HAUS6: variants seen among roughly 807,000 people sequenced by gnomAD.
The protein encoded by HAUS6 is HAUS augmin-like complex subunit 6.
A neutral mutation model predicts 106.8 loss-of-function variants in HAUS6; 80 were observed. That is an observed-to-expected ratio of 0.75 (90% confidence interval 0.63 to 0.90). The LOEUF (loss-of-function observed/expected upper bound fraction) is 0.90, where lower values mean the gene tolerates loss of function less well. Among genes scored for constraint, HAUS6 ranks in the 40% least tolerant of loss-of-function variants. HAUS6 has a pLI of 0.00. For missense variants in HAUS6, 1,155 were observed against 1,118.1 expected (o/e 1.03, Z -0.47); for synonymous variants, 356 against 379.1 (o/e 0.94, Z 0.71).
chr9:19,077,410 C>G (rs1431673117), intron 10 of HAUS6, among the ~76,000 whole-genome samples: 1 of 152,128 alleles, frequency 6.6e-6, no homozygotes. Context: ...TGGCGGGCAC[C>G]TTTAGTCCCG....
intron 1 of HAUS6, among the ~76,000 whole-genome samples, chr9:19,098,424 A>T (rs905686180): frequency 3.5e-5 from 5 of 143,920 alleles, no homozygotes; most frequent in African/African-American, 1.3e-4. Context: ...GCAAAAGAGC[A>T]AGACTTCGTC....
chr9:19,063,233 C>G, intron 13 of HAUS6, 40 bp from the exon 14 acceptor site: 1 of 1,308,334 alleles, frequency 7.6e-7, no homozygotes, highest in Non-Finnish European at 1.1e-6. Flanking sequence ...CCTTAATAAT[C>G]ATGGCTGATC....
intron 7 of HAUS6, among the ~76,000 whole-genome samples, chr9:19,086,141 A>C (rs2131140833): frequency 6.6e-6 from 1 of 151,458 alleles, no homozygotes; most frequent in East Asian, 1.9e-4. Flanking sequence ...GCGAAACCCT[A>C]TCTCTACAAA....
intron 3 of HAUS6, 75 bp downstream of exon 3, chr9:19,094,242 C>A (rs995252735): frequency 2.5e-6 from 2 of 807,808 alleles, no homozygotes; most frequent in Non-Finnish European, 4.1e-6. Context: ...AAGGATTTCA[C>A]CTCTAAAAAG....
chr9:19,084,386 A>G (rs1204408428), intron 7 of HAUS6, among the ~76,000 whole-genome samples: 4 of 152,202 alleles, frequency 2.6e-5, no homozygotes, highest in South Asian at 4.1e-4. Context: ...AAACAGGTTC[A>G]AGGAGGATTC....
chr9:19,059,189 T>A (rs1791251303), intron 15 of HAUS6, among the ~76,000 whole-genome samples, 188 bp from the exon 16 acceptor site: 1 of 152,196 alleles, frequency 6.6e-6, no homozygotes, highest in Non-Finnish European at 1.5e-5. Context: ...CTCCAACTGC[T>A]CGCACAAATA....
intron 14 of HAUS6, among the ~76,000 whole-genome samples, chr9:19,062,748 G>GTC (rs1298311805): frequency 6.6e-6 from 1 of 152,178 alleles, no homozygotes; most frequent in Non-Finnish European, 1.5e-5. Context: ...TGCAGCCTCA[G>GTC]TCTCCTGGGC....
chr9:19,097,080 T>G (rs1175647661), intron 1 of HAUS6, among the ~76,000 whole-genome samples: 2 of 152,112 alleles, frequency 1.3e-5, no homozygotes, highest in African/African-American at 4.8e-5. Context: ...CAACCTACAT[T>G]TACTGAATAA....
chr9:19,089,611 G>C, intron 4 of HAUS6, 52 bp from the exon 5 acceptor site: 2 of 1,391,416 alleles, frequency 1.4e-6, no homozygotes, highest in Non-Finnish European at 1.0e-6. Flanking sequence ...TGATAGTAGT[G>C]GGTTATCAGA....
At chr9:19,063,354 C>T (rs1395138743) in intron 13 of HAUS6, among the ~76,000 whole-genome samples, 160 bp downstream of exon 13, 1 of 136,384 alleles carries the variant, frequency 7.3e-6, no homozygotes, top group African/African-American at 3.1e-5. Context: ...CCAATATTCC[C>T]ACTTAGCAAT....
In HAUS6 at chr9:19,089,483, G is replaced by A. The variant is rs141791984; in HGVS notation, c.513C>T (p.Phe171=). 37 of 1,610,066 alleles carry A rather than the reference G, an allele frequency of 2.3e-5. No individual in the cohort carries two copies. The African/African-American group carries it at 2.5e-4, about 11-fold the overall frequency. The stretch of plus-strand genomic sequence containing the variant: ...AAATTTGTAAAAATCTGCTACGTGC[G>A]AAATGGCATCTGGCAATGCATTTGT... The part of the protein sequence containing the change: ...DLHKCIARCH[F]ARSRFLQILQ... The change falls in exon 5 of 17, where the codon TTC becomes TTT. Residue 171 remains phenylalanine (F), a synonymous_variant. Transcript: ENST00000380502.
At chr9:19,060,949 G>A (rs1342269102) in intron 14 of HAUS6, among the ~76,000 whole-genome samples, 2 of 152,106 alleles carry the variant, frequency 1.3e-5, no homozygotes, top group East Asian at 1.9e-4. Context: ...ATCACTTCAG[G>A]TCAGGAGTTC....
At chr9:19,070,161 T>C (rs1836856115) in intron 12 of HAUS6, 58 bp downstream of exon 12, 2 of 998,688 alleles carry the variant, frequency 2.0e-6, no homozygotes, top group Non-Finnish European at 3.1e-6. Context: ...TCCATCTCTA[T>C]TTTTTATAAA....
At chr9:19,094,827 C>A (rs1270760143) in intron 2 of HAUS6, among the ~76,000 whole-genome samples, 7 of 151,916 alleles carry the variant, frequency 4.6e-5, no homozygotes, top group African/African-American at 1.7e-4. Flanking sequence ...AGCTAACCTT[C>A]TTAGATAACA....
At position 19,099,560 on chromosome 9, in the gene HAUS6, G is replaced by A. The variant is rs150837304; in HGVS notation, c.129-2791C>T. ...GCTCACTGTAGCCTCAAACTCCTGG[G>A]CTCAAGCAATACTCCCACCTTGCCC... On this transcript the variant is annotated intron_variant, in intron 1 of 16. Transcript: ENST00000380502. Among the ~76,000 whole-genome samples, 377 of 152,148 alleles carry A rather than the reference G, an allele frequency of 2.5e-3. 1 individual carries two copies. The highest frequency in any genetic ancestry group is 8.7e-3 in the African/African-American group (361 of 41,522).
intron 2 of HAUS6, among the ~76,000 whole-genome samples, chr9:19,094,968 A>C (rs573765572): frequency 1.9e-4 from 29 of 152,258 alleles, no homozygotes; most frequent in Non-Finnish European, 3.1e-4. Flanking sequence ...AATTGCTGAA[A>C]ATCAGCTAAA....
chr9:19,065,635 G>A (rs1836746287), intron 12 of HAUS6, among the ~76,000 whole-genome samples: 1 of 152,168 alleles, frequency 6.6e-6, no homozygotes, highest in Non-Finnish European at 1.5e-5. Context: ...GAGGTCAGGA[G>A]TTGAAGACCA....
At chr9:19,063,927 C>T (rs1836696102) in intron 12 of HAUS6, 1 of 359,576 alleles carries the variant, frequency 2.8e-6, no homozygotes, top group African/African-American at 2.1e-5. Flanking sequence ...TACAATGTCA[C>T]AGGTTCCAAA....
At chr9:19,101,328 C>T (rs1012271531) in intron 1 of HAUS6, among the ~76,000 whole-genome samples, 2 of 152,082 alleles carry the variant, frequency 1.3e-5, no homozygotes, top group African/African-American at 4.8e-5. Context: ...CAAGACCAGC[C>T]TGGGCAACAT....
Sources: gnomAD v4.1 joint callset for allele counts (sites outside exome capture counted in the v4.1 genomes callset) on GRCh38, gnomAD v4.1.1 for gene constraint, MANE v1.5 for transcripts, NCBI Gene and HGNC (gene_info 2026-07-23, HGNC 2026-07-21) for gene names.